CLP1: variants seen among roughly 807,000 people sequenced by gnomAD.
CLP1 encodes the protein polyribonucleotide 5'-hydroxyl-kinase Clp1.
A neutral mutation model predicts 29.9 loss-of-function variants in CLP1; 18 were observed. The ratio of observed to expected loss-of-function variants is 0.60; its 90% CI spans 0.42 to 0.89. The LOEUF (loss-of-function observed/expected upper bound fraction) is 0.89, where lower values mean the gene tolerates loss of function less well. Ranked by LOEUF, CLP1 falls within the 40% of genes least tolerant of loss-of-function variation. The pLI, the probability that CLP1 is intolerant of heterozygous loss-of-function variation, is 0.00. For synonymous variants in CLP1, 162 were observed against 206.2 expected, an observed-to-expected ratio of 0.79 and a Z score of 1.84; for missense variants, 357 against 544.8, an observed-to-expected ratio of 0.66 and a Z score of 3.43.
intron 2 of CLP1, among the ~76,000 whole-genome samples, chr11:57,660,388 G>A (rs1303143785): frequency 1.3e-5 from 2 of 152,184 alleles, no homozygotes; most frequent in African/African-American, 4.8e-5. Context: ...GGGTACAGTG[G>A]CTCATGCCTG....
rs1254640213 is a variant in CLP1, at chr11:57,661,168, C to T, written c.1010C>T (p.Ser337Phe). 1 of 1,614,216 alleles carries T rather than the reference C, an allele frequency of 6.2e-7. No individual in the cohort carries two copies. Among genetic ancestry groups the T allele is most frequent in the Admixed American group, 1.7e-5 (1 of 60,018 alleles). ...GTTGGGGCACCCACCATCCCAGACTCCTGTTTACCTTTGGGCATGTCTCAA... is the reference window on the plus strand; with the variant it reads ...GTTGGGGCACCCACCATCCCAGACTTCTGTTTACCTTTGGGCATGTCTCAA... ...YKVGAPTIPD[S>F]CLPLGMSQED... Residue 337 changes from serine to phenylalanine, a missense_variant, in exon 3 of 3, where the codon TCC becomes TTC. Ser to Phe is a radical substitution (Grantham distance 155). Coordinates refer to ENST00000533682, the MANE Select transcript of CLP1 (RefSeq NM_006831.3).
chr11:57,660,190 A>G (rs967501190), intron 2 of CLP1, 108 bp downstream of exon 2: 6 of 1,189,396 alleles, frequency 5.0e-6, no homozygotes, highest in Non-Finnish European at 6.9e-6. Flanking sequence ...TTTCTGCTGC[A>G]TTACTTTAGA....
chr11:57,659,626 C>A lies in CLP1; in HGVS notation c.150C>A (p.Thr50=). Residue 50 remains threonine, a synonymous_variant, in exon 2 of 3, where the codon ACC becomes ACA. Transcript: ENST00000533682. Reference sequence around the variant, plus strand: ...CAGAGATCTTTGGCACAGAGCTGACCCGAAACAAGAAATTCACCTTTGATG... The same window carrying A: ...CAGAGATCTTTGGCACAGAGCTGACACGAAACAAGAAATTCACCTTTGATG... ...GMAEIFGTEL[T]RNKKFTFDAG... is the part of the protein sequence containing the mutation. The A allele has an allele frequency of 6.2e-7, 1 of 1,613,988 alleles. No homozygotes were observed.
intron 2 of CLP1, 109 bp downstream of exon 2, chr11:57,660,191 T>C: frequency 8.3e-7 from 1 of 1,200,054 alleles, no homozygotes; most frequent in Non-Finnish European, 1.1e-6. Flanking sequence ...TTCTGCTGCA[T>C]TACTTTAGAA....
chr11:57,661,628 A>G lies in CLP1; in HGVS notation c.*192A>G, dbSNP rs945313011. 1 of 572,950 alleles carries G rather than the reference A, an allele frequency of 1.7e-6. No individual in the cohort carries two copies. Among genetic ancestry groups the G allele is most frequent in the African/African-American group, 1.9e-5 (1 of 53,544 alleles). The allele number at this position is 572,950 out of a possible 1,614,324, so 35.5% of individuals were successfully genotyped here. A position where few individuals can be genotyped will look rare whatever the true frequency, so the allele number is the denominator to read the frequency against. The stretch of plus-strand genomic sequence containing the variant: ...CTAATCTTGAACCAAAAGGAAAACC[A>G]TGAGACTGTAATTGGTTTCTTAGAC... On this transcript the variant is annotated 3_prime_UTR_variant, in exon 3 of 3. Transcript: ENST00000533682.
chr11:57,660,476 G>A (rs987111748), intron 2 of CLP1, among the ~76,000 whole-genome samples: 3 of 152,126 alleles, frequency 2.0e-5, no homozygotes, highest in African/African-American at 7.2e-5. Context: ...CCAACATGGT[G>A]AAACCTTGTC....
At position 57,661,620 on chromosome 11, in the gene CLP1, G is replaced by T; in HGVS notation, c.*184G>T. 1.7e-6 allele frequency: 1 copy of T among 577,182 alleles called. No homozygotes were observed. Among genetic ancestry groups the T allele is most frequent in the African/African-American group, 1.9e-5 (1 of 53,624 alleles). 35.8% of individuals were successfully genotyped at this position (577,182 alleles called of 1,614,324 possible). A position where few individuals can be genotyped will look rare whatever the true frequency, so the allele number is the denominator to read the frequency against. ...TGACTCTTCTAATCTTGAACCAAAA[G>T]GAAAACCATGAGACTGTAATTGGTT... On this transcript the variant is annotated 3_prime_UTR_variant, in exon 3 of 3. Coordinates refer to ENST00000533682, the MANE Select transcript of CLP1 (RefSeq NM_006831.3).
chr11:57,657,945 T>TGGGGAGATTTTGGTGTCTG (rs1945837533), intron 1 of CLP1, 85 bp downstream of exon 1: 6 of 152,116 alleles, frequency 3.9e-5, no homozygotes, highest in Admixed American at 3.9e-4. Context: ...TTTGGTGTCT[T>TGGGGAGATTTTGGTGTCTG]GGGGAGATTT....
At chr11:57,659,243 C>A (rs1218422108) in intron 1 of CLP1, among the ~76,000 whole-genome samples, 2 of 151,688 alleles carry the variant, frequency 1.3e-5, no homozygotes, top group East Asian at 3.9e-4. Flanking sequence ...TCCACCATGC[C>A]CGGCTAATTT....
At position 57,660,063 on chromosome 11, in the gene CLP1, A is replaced by G; in HGVS notation, c.587A>G (p.Asn196Ser). The G allele has an allele frequency of 2.5e-6, 4 of 1,584,324 alleles. No individual in the cohort carries two copies. The highest frequency in any genetic ancestry group is 3.4e-6 in the Non-Finnish European group (4 of 1,163,232). Residue 196 changes from asparagine to serine, a missense_variant, in exon 2 of 3, where the codon AAC becomes AGC. Coordinates refer to ENST00000533682, the MANE Select transcript of CLP1 (RefSeq NM_006831.3). The stretch of plus-strand genomic sequence containing the variant: ...TTTGGTTCCACCACTCCTGGCACTA[A>G]CATCAAGCTTTATAATAAGGTCAGA... ...YHFGSTTPGT[N>S]IKLYNKITSR...
intron 2 of CLP1, among the ~76,000 whole-genome samples, chr11:57,660,289 A>G (rs1945862523): frequency 6.6e-6 from 1 of 152,242 alleles, no homozygotes; most frequent in Non-Finnish European, 1.5e-5. Flanking sequence ...CTTAGGGCAT[A>G]AAACAGGAGG....
chr11:57,660,170 T>A, intron 2 of CLP1, 88 bp downstream of exon 2: 1 of 1,353,896 alleles, frequency 7.4e-7, no homozygotes, highest in Non-Finnish European at 9.9e-7. Context: ...CTGCATTTTC[T>A]CAGCTGGTAT....
Position 57,661,107 on chromosome 11 carries a change from TTCAATG to T in CLP1, c.954_959del (p.Asn318_Val319del). The T allele has an allele frequency of 1.9e-6, 3 of 1,614,224 alleles. No homozygotes were observed. Among genetic ancestry groups the T allele is most frequent in the Non-Finnish European group, 2.5e-6 (3 of 1,180,046 alleles). On this transcript the variant is annotated inframe_deletion, in exon 3 of 3. Transcript: ENST00000533682. ...CCGAGGCTGTTTCTATCCCCATGCC[TTCAATG>T]TCAAATTTTCAGATGTGAAAATCTA...
intron 2 of CLP1, among the ~76,000 whole-genome samples, chr11:57,660,503 A>G (rs1191169603): frequency 6.6e-6 from 1 of 152,112 alleles, no homozygotes; most frequent in Non-Finnish European, 1.5e-5. Context: ...AAAAATACAA[A>G]AAGTAGCTGG....
intron 1 of CLP1, among the ~76,000 whole-genome samples, chr11:57,658,363 T>G (rs1945841234): frequency 6.6e-6 from 1 of 152,356 alleles, no homozygotes; most frequent in South Asian, 2.1e-4. Flanking sequence ...TTAAATCTTC[T>G]GTCAGTCTGT....
rs1945855087 is a variant in CLP1 at position 57,659,640 on chromosome 11, T to C, written c.164T>C (p.Phe55Ser). 6.2e-7 allele frequency: 1 copy of C among 1,613,952 alleles called. No homozygotes were observed. The highest frequency in any genetic ancestry group is 1.3e-5 in the African/African-American group (1 of 74,890). The change falls in exon 2 of 3, where the codon TTC becomes TCC. Residue 55 changes from phenylalanine (F) to serine (S), a missense_variant. Phe to Ser is a radical substitution (Grantham distance 155). Transcript: ENST00000533682. ...ACAGAGCTGACCCGAAACAAGAAATTCACCTTTGATGCTGGTGCCAAGGTG... is the reference window on the plus strand; with the variant it reads ...ACAGAGCTGACCCGAAACAAGAAATCCACCTTTGATGCTGGTGCCAAGGTG... ...FGTELTRNKK[F>S]TFDAGAKVAV... is the part of the protein sequence containing the mutation.
Position 57,661,252 on chromosome 11 carries a change from T to A in CLP1, c.1094T>A (p.Leu365Gln), listed in dbSNP as rs1945874325. 1.9e-6 allele frequency: 3 copies of A among 1,614,220 alleles called. No individual in the cohort carries two copies. The East Asian group carries it at 6.7e-5, about 36-fold the overall frequency. ...VTPGRDMVHH[L>Q]LSVSTAEGTE... ...CCTGGGCGAGATATGGTGCACCACC[T>A]ACTGAGTGTTAGCACTGCCGAGGGT... Residue 365 changes from leucine (L) to glutamine (Q), a missense_variant, in exon 3 of 3, where the codon CTA (leucine) becomes CAA (glutamine). By Grantham distance (113) the Leu-to-Gln change is moderately radical (BLOSUM62 -2). Transcript: ENST00000533682.
Position 57,660,765 on chromosome 11 carries a change from A to G in CLP1, c.607A>G (p.Ile203Val). 6.3e-7 allele frequency: 1 copy of G among 1,577,906 alleles called. No individual in the cohort carries two copies. The highest frequency in any genetic ancestry group is 8.6e-7 in the Non-Finnish European group (1 of 1,159,936). ...PGTNIKLYNKITSRLADVFNQ... is the reference protein window; with the variant it reads ...PGTNIKLYNKVTSRLADVFNQ... Reference sequence around the variant, plus strand: ...CTTACCTTGATCCTCTCTTTTGCAGATTACATCTCGTTTAGCAGATGTGTT... The same window carrying G: ...CTTACCTTGATCCTCTCTTTTGCAGGTTACATCTCGTTTAGCAGATGTGTT... Residue 203 changes from isoleucine to valine, a missense_variant and splice_region_variant, in exon 3 of 3, where the codon ATT becomes GTT. Transcript: ENST00000533682.
At position 57,659,391 on chromosome 11, in the gene CLP1, A is replaced by G. The variant is rs1279219287; in HGVS notation, c.-22-64A>G. The stretch of plus-strand genomic sequence containing the variant: ...GGCGTGAGCCACCATGCCTGGCCCC[A>G]TTGGATGTTTTTGTAACAGAAGACT... On this transcript the variant is annotated intron_variant, in intron 1 of 2. Coordinates refer to ENST00000533682, the MANE Select transcript of CLP1 (RefSeq NM_006831.3). 2.0e-6 allele frequency: 3 copies of G among 1,503,166 alleles called. No individual in the cohort carries two copies. In the African/African-American group the frequency reaches 4.2e-5, roughly 21 times the overall value. 93.1% of individuals were successfully genotyped at this position (1,503,166 alleles called of 1,614,324 possible).
Sources: gnomAD v4.1 joint callset for allele counts (sites outside exome capture counted in the v4.1 genomes callset) on GRCh38, gnomAD v4.1.1 for gene constraint, MANE v1.5 for transcripts, NCBI Gene and HGNC (gene_info 2026-07-23, HGNC 2026-07-21) for gene names.